Variants in MYO19 observed in about 807,000 individuals in gnomAD.
MYO19 encodes unconventional myosin-XIX.
A neutral mutation model predicts 129.2 loss-of-function variants in MYO19; 132 were observed. The ratio of observed to expected loss-of-function variants is 1.02; its 90% confidence interval spans 0.89 to 1.18. The LOEUF (loss-of-function observed/expected upper bound fraction) is 1.18. Ranked by LOEUF, MYO19 falls within the 50% of genes most tolerant of loss-of-function variation. The pLI is 0.00. For synonymous variants in MYO19, 531 were observed against 477.2 expected (o/e 1.11, Z -1.47); for missense variants, 1,210 against 1,216.7 (o/e 0.99, Z 0.08).
chr17:36,507,922 G>C lies in MYO19; in HGVS notation c.1234C>G (p.Leu412Val). ...GATTCAAATCCATACACATCCAGCA[G>C]GCCTGGGAAGATGGCAGAGAACCCA... ...DTDSWTTFIG[L>V]LDVYGFESFP... Residue 412 changes from leucine to valine, a missense_variant and splice_region_variant, in exon 15 of 26, where the codon CTG becomes GTG. By Grantham distance (32) the Leu-to-Val change is conservative. Transcript: ENST00000614623. 2 of 1,597,310 alleles carry C rather than the reference G, an allele frequency of 1.3e-6. No homozygotes were observed. The highest frequency in any genetic ancestry group is 3.3e-4 in the Middle Eastern group (2 of 6,004).
At chr17:36,497,232 GGAGGCT>G (rs2071064404) in intron 25 of MYO19, among the ~76,000 whole-genome samples, 1 of 151,874 alleles carries the variant, frequency 6.6e-6, no homozygotes, top group Non-Finnish European at 1.5e-5. Flanking sequence ...CAGCTATTCG[GGAGGCT>G]GAGGCAGGAG....
chr17:36,508,978 A>G (rs1439564792), intron 14 of MYO19, 84 bp downstream of exon 14: 4 of 1,199,066 alleles, frequency 3.3e-6, no homozygotes, highest in Non-Finnish European at 4.9e-6. Flanking sequence ...AGAGTCACAC[A>G]GTGGACCCAG....
At position 36,496,616 on chromosome 17, in the gene MYO19, TCA is replaced by T. The variant is rs1203837112; in HGVS notation, c.2758-212_2758-211del. Among the ~76,000 whole-genome samples the T allele has an allele frequency of 2.0e-5, 3 of 152,188 alleles. No homozygotes were observed. The South Asian group carries it at 6.2e-4, about 32-fold the overall frequency. ...AGGCGCTCCCTAAGAGGAATGTCTG[TCA>T]CATTCCTATGACTGCTTAAAGCCAG... On this transcript the variant is annotated intron_variant, in intron 25 of 25. Coordinates refer to ENST00000614623, the MANE Select transcript of MYO19 (RefSeq NM_001163735.2).
chr17:36,521,069 T>TTTGATA (rs1396460842), intron 6 of MYO19, among the ~76,000 whole-genome samples: 57 of 152,352 alleles, frequency 3.7e-4, no homozygotes, highest in Admixed American at 6.5e-4. Flanking sequence ...ATTTTTATCA[T>TTTGATA]CTCCATTTGA....
chr17:36,499,344 C>A, intron 23 of MYO19, 184 bp from the exon 24 acceptor site: 2 of 440,874 alleles, frequency 4.5e-6, no homozygotes, highest in Non-Finnish European at 8.6e-6. Context: ...TTAAACATTC[C>A]TTACACTGCC....
chr17:36,518,810 A>AT (rs912789976), intron 6 of MYO19, among the ~76,000 whole-genome samples: 1 of 151,582 alleles, frequency 6.6e-6, no homozygotes, highest in African/African-American at 2.4e-5. Flanking sequence ...AGATAGATAG[A>AT]TTTTTTTTCT....
chr17:36,522,236 G>A (rs193081755), intron 6 of MYO19, among the ~76,000 whole-genome samples: 2 of 151,362 alleles, frequency 1.3e-5, no homozygotes, highest in East Asian at 3.9e-4. Context: ...TTGGCCGGGC[G>A]TGGTGGCTCA....
intron 3 of MYO19, among the ~76,000 whole-genome samples, chr17:36,531,865 C>T (rs1361000993): frequency 1.3e-5 from 2 of 152,270 alleles, no homozygotes; most frequent in East Asian, 3.9e-4. Context: ...CAGTGCCTGG[C>T]AACACTTGGT....
chr17:36,500,402 G>A (rs2071429961), intron 23 of MYO19: 1 of 164,432 alleles, frequency 6.1e-6, no homozygotes, highest in Non-Finnish European at 1.3e-5. Context: ...TTCAAAATAA[G>A]ACCACTATGA....
chr17:36,541,501 T>C (rs577168757), intron 2 of MYO19, among the ~76,000 whole-genome samples: 1 of 152,324 alleles, frequency 6.6e-6, no homozygotes, highest in South Asian at 2.1e-4. Context: ...TAGATCTCAT[T>C]TATGCCTGCA....
chr17:36,532,466 G>A, intron 3 of MYO19, 61 bp downstream of exon 3: 1 of 1,548,126 alleles, frequency 6.5e-7, no homozygotes, highest in Non-Finnish European at 8.7e-7. Context: ...TTCCAGGTTA[G>A]GGCTAGCAAC....
At chr17:36,531,962 C>G (rs2073861564) in intron 3 of MYO19, among the ~76,000 whole-genome samples, 1 of 152,170 alleles carries the variant, frequency 6.6e-6, no homozygotes, top group South Asian at 2.1e-4. Flanking sequence ...AGAGAGAGCT[C>G]CGCTGTAAAA....
Position 36,528,618 on chromosome 17 carries a change from C to T in MYO19, c.13-416G>A, listed in dbSNP as rs555572943. Among the ~76,000 whole-genome samples, 6 of 152,202 alleles carry T rather than the reference C, an allele frequency of 3.9e-5. No homozygotes were observed. In the East Asian group the frequency reaches 9.7e-4, roughly 25 times the overall value. ...GTATAGTAGAAGGAGACTCTGGTAT[C>T]ATAGTCTGGTTGGGTTCAAATTTCA... is the stretch of plus-strand genomic sequence containing the variant. On this transcript the variant is annotated intron_variant, in intron 3 of 25. Coordinates refer to ENST00000614623, the MANE Select transcript of MYO19 (RefSeq NM_001163735.2).
chr17:36,497,876 C>T (rs1364412574), intron 25 of MYO19: 3 of 198,338 alleles, frequency 1.5e-5, no homozygotes, highest in Non-Finnish European at 3.1e-5. Flanking sequence ...TGAGCCACCG[C>T]TCCAGGCCCT....
rs773208403 is a variant in MYO19, at chr17:36,507,054, T to G, written c.1553A>C (p.His518Pro). 1 of 1,613,644 alleles carries G rather than the reference T, an allele frequency of 6.2e-7. No homozygotes were observed. The highest frequency in any genetic ancestry group is 8.5e-7 in the Non-Finnish European group (1 of 1,179,676). Residue 518 changes from histidine (H) to proline (P), a missense_variant, in exon 17 of 26, where the codon CAC (histidine) becomes CCC (proline). Coordinates refer to ENST00000614623, the MANE Select transcript of MYO19 (RefSeq NM_001163735.2). ...GCTGGGCTCCCGGCTGAGCTTATTG[T>G]GGCCCAGGCAGGGGCTGCCTGCCAG... The part of the protein sequence containing the change: ...TALAGSPCLG[H>P]NKLSREPSFI...
upstream of MYO19, chr17:36,535,465 C>G (rs2074083952): frequency 6.6e-6 from 1 of 152,248 alleles, no homozygotes; most frequent in African/African-American, 2.4e-5. Flanking sequence ...TGCCAGCTGC[C>G]TGCGTCGGCC....
intron 21 of MYO19, 163 bp from the exon 22 acceptor site, chr17:36,501,398 A>G (rs2071520495): frequency 1.4e-6 from 1 of 722,968 alleles, no homozygotes; most frequent in Non-Finnish European, 2.2e-6. Flanking sequence ...AGCCACAAAC[A>G]GCCTCTCTGT....
At chr17:36,538,247 G>A, upstream of MYO19, 2 of 1,613,200 alleles carry the variant, frequency 1.2e-6, no homozygotes, top group East Asian at 2.2e-5. Context: ...CTTCTAGCCT[G>A]ATCCTTCTTA....
chr17:36,505,498 C>T (rs991185877), intron 18 of MYO19, 94 bp from the exon 19 acceptor site: 25 of 843,702 alleles, frequency 3.0e-5, no homozygotes, highest in East Asian at 7.4e-5. Context: ...ATGCCTCCAG[C>T]GGGCCCTTCC....
Sources: allele counts gnomAD v4.1 joint callset (sites outside exome capture counted in the v4.1 genomes callset), GRCh38; gene constraint gnomAD v4.1.1; transcripts MANE v1.5; gene names NCBI Gene and HGNC (gene_info 2026-07-23, HGNC 2026-07-21).